Variants in CASC3 observed in about 807,000 individuals in gnomAD.
CASC3 encodes protein CASC3.
In CASC3, 30 loss-of-function variants were observed where a neutral mutation model predicts 80.5. The ratio of observed to expected loss-of-function variants is 0.37; its 90% CI spans 0.28 to 0.51. The LOEUF (loss-of-function observed/expected upper bound fraction) is 0.51, where lower values mean the gene tolerates loss of function less well. Ranked by LOEUF, CASC3 falls within the 20% of genes least tolerant of loss-of-function variation. The pLI, the probability that CASC3 is intolerant of heterozygous loss-of-function variation, is 0.94. For missense variants in CASC3, 824 were observed against 922.2 expected (o/e 0.89, Z 1.38); for synonymous variants, 312 against 333.6 (o/e 0.94, Z 0.70).
intron 5 of CASC3, 129 bp downstream of exon 5, chr17:40,162,282 A>G (rs1188123625): frequency 6.8e-6 from 7 of 1,025,828 alleles, no homozygotes; most frequent in South Asian, 1.7e-5. Context: ...TTATCGTACA[A>G]ATGAGGAAAG....
chr17:40,168,972 G>T (rs1989523538), intron 11 of CASC3: 2 of 216,334 alleles, frequency 9.2e-6, no homozygotes, highest in Non-Finnish European at 1.8e-5. Context: ...ATTGCATAAA[G>T]AAGCTGTATT....
At chr17:40,162,449 CT>C (rs148201280) in intron 5 of CASC3, among the ~76,000 whole-genome samples, 2,294 of 152,066 alleles carry the variant, frequency 0.015, 78 homozygotes, top group African/African-American at 0.052. Flanking sequence ...CATAGGTTGC[CT>C]TTTAGGAGAA....
chr17:40,167,108 C>T lies in CASC3; in HGVS notation c.1536+247C>T, dbSNP rs915847104. 250 of 522,870 alleles carry T rather than the reference C, an allele frequency of 4.8e-4. 1 individual carries two copies. The highest frequency in any genetic ancestry group is 2.7e-4 in the South Asian group (10 of 37,098). The allele number at this position is 522,870 out of a possible 1,614,324, so 32.4% of individuals were successfully genotyped here. A position where few individuals can be genotyped will look rare whatever the true frequency, so the allele number is the denominator to read the frequency against. Reference sequence around the variant, plus strand: ...TCCCGAGTAGCTGGCATTACAGGCACGTGCCATCATGCCCAGCTAATTTTT... The same window carrying T: ...TCCCGAGTAGCTGGCATTACAGGCATGTGCCATCATGCCCAGCTAATTTTT... On this transcript the variant is annotated intron_variant, in intron 8 of 13. Transcript: ENST00000264645.
intron 7 of CASC3, among the ~76,000 whole-genome samples, chr17:40,165,909 G>A (rs1034731909): frequency 1.3e-5 from 2 of 151,780 alleles, no homozygotes; most frequent in Non-Finnish European, 2.9e-5. Context: ...AAGATCATAA[G>A]CACACATCAT....
rs56186811 is a variant in CASC3, at chr17:40,169,742, CTTTTTTTTTTTTTT to C, written c.*41+98_*41+111del. The C allele has an allele frequency of 1.9e-3, 183 of 96,516 alleles. 1 individual carries two copies. The highest frequency in any genetic ancestry group is 4.3e-3 in the South Asian group (51 of 11,926). The allele number at this position is 96,516 out of a possible 1,614,324, so 6.0% of individuals were successfully genotyped here. A position where few individuals can be genotyped will look rare whatever the true frequency, so the allele number is the denominator to read the frequency against. The stretch of plus-strand genomic sequence containing the variant: ...ATAAACAAAAATCACTTAATTAATG[CTTTTTTTTTTTTTT>C]TTTTTTTTTTTTTTTTTGAGACGGC... On this transcript the variant is annotated intron_variant, in intron 13 of 13. Coordinates refer to ENST00000264645, the MANE Select transcript of CASC3 (RefSeq NM_007359.5).
At chr17:40,162,975 C>A in intron 6 of CASC3, 74 bp downstream of exon 6, 1 of 1,327,768 alleles carries the variant, frequency 7.5e-7, no homozygotes, top group Non-Finnish European at 1.1e-6. Flanking sequence ...AATCCCGGCA[C>A]TTTGGGAGGC....
chr17:40,165,246 A>G (rs1055309039), intron 7 of CASC3, among the ~76,000 whole-genome samples: 6 of 148,412 alleles, frequency 4.0e-5, no homozygotes, highest in African/African-American at 1.3e-4. Context: ...TGTATTTTTC[A>G]TAGAGATGGG....
intron 3 of CASC3, among the ~76,000 whole-genome samples, chr17:40,149,729 G>T (rs536464415): frequency 1.3e-5 from 2 of 152,072 alleles, no homozygotes; most frequent in Non-Finnish European, 2.9e-5. Flanking sequence ...GGAAAAGCTG[G>T]GTGCGGTGGC....
Position 40,168,408 on chromosome 17 carries a change from T to G in CASC3, c.1956T>G (p.Pro652=). 8 of 1,613,608 alleles carry G rather than the reference T, an allele frequency of 5.0e-6. No individual in the cohort carries two copies. The highest frequency in any genetic ancestry group is 6.8e-6 in the Non-Finnish European group (8 of 1,179,530). ...LPPPPPPHLY[P]NTQAPSQVYG... ...CCCCACCACCGCCTCATCTGTATCC[T>G]AATACACAGGTGAGATGGCTAATGA... Residue 652 remains proline, a synonymous_variant, in exon 11 of 14, where the codon CCT becomes CCG. Transcript: ENST00000264645.
chr17:40,150,442 GTGTA>G (rs763698972), intron 3 of CASC3, among the ~76,000 whole-genome samples: 1 of 147,472 alleles, frequency 6.8e-6, no homozygotes, highest in African/African-American at 2.5e-5. Flanking sequence ...GTGTGTGTGT[GTGTA>G]ACCCCCTTTG....
chr17:40,141,297 A>G (rs375934395), intron 2 of CASC3, 63 bp downstream of exon 2: 149 of 1,439,568 alleles, frequency 1.0e-4, no homozygotes, highest in Non-Finnish European at 1.4e-4. Flanking sequence ...CAGGTCATCT[A>G]TTTCCAACAT....
intron 8 of CASC3, 48 bp downstream of exon 8, chr17:40,166,909 C>A: frequency 3.8e-6 from 5 of 1,305,686 alleles, no homozygotes; most frequent in Non-Finnish European, 5.4e-6. Context: ...GCCTGTTACA[C>A]AGCTTGTTCA....
chr17:40,161,676 G>C lies in CASC3; in HGVS notation c.298-77G>C, dbSNP rs904337606. 2.4e-6 allele frequency: 3 copies of C among 1,273,796 alleles called. No individual in the cohort carries two copies. In the African/African-American group the frequency reaches 4.4e-5, roughly 19 times the overall value. The allele number at this position is 1,273,796 out of a possible 1,614,324, so 78.9% of individuals were successfully genotyped here. A position where few individuals can be genotyped will look rare whatever the true frequency, so the allele number is the denominator to read the frequency against. ...CCTGGGTGACAGAGACTTTGTTTTG[G>C]GGTTGGGGGCAGGGGTGGGAATTAA... On this transcript the variant is annotated intron_variant, in intron 3 of 13. Transcript: ENST00000264645.
chr17:40,150,967 C>A (rs891540762), intron 3 of CASC3, among the ~76,000 whole-genome samples: 1 of 151,734 alleles, frequency 6.6e-6, no homozygotes, highest in East Asian at 1.9e-4. Flanking sequence ...GAGCCGAGAT[C>A]ACGCCACTGC....
chr17:40,146,445 T>C (rs1004830514), intron 3 of CASC3, among the ~76,000 whole-genome samples: 1 of 151,364 alleles, frequency 6.6e-6, no homozygotes, highest in African/African-American at 2.4e-5. Context: ...TTTTTTTTTT[T>C]TTTTCTTTTT....
intron 4 of CASC3, 39 bp downstream of exon 4, chr17:40,161,950 A>G (rs773784065): frequency 6.2e-7 from 1 of 1,613,078 alleles, no homozygotes; most frequent in South Asian, 1.1e-5. Context: ...AGAGGCTGGA[A>G]TAGAGATTCT....
At position 40,162,025 on chromosome 17, in the gene CASC3, C is replaced by T. The variant is rs757303616; in HGVS notation, c.480C>T (p.Asn160=). 9.3e-6 allele frequency: 15 copies of T among 1,613,816 alleles called. No homozygotes were observed. The highest frequency in any genetic ancestry group is 1.7e-4 in the Middle Eastern group (1 of 6,058). ...DGQESTEPVE[N]KVGKKGPKHL... ...AGGAGAGCACAGAGCCTGTGGAGAA[C>T]AAAGTGGGTAAAAAGGGCCCTAAGC... The change falls in exon 5 of 14, where the codon AAC becomes AAT. Residue 160 remains asparagine, a synonymous_variant. Transcript: ENST00000264645.
chr17:40,147,101 C>T lies in CASC3; in HGVS notation c.297+5494C>T, dbSNP rs193198636. 1.7e-4 allele frequency among the ~76,000 whole-genome samples: 26 copies of T among 152,182 alleles called. No individual in the cohort carries two copies. The East Asian group carries it at 3.3e-3, about 19-fold the overall frequency. On this transcript the variant is annotated intron_variant, in intron 3 of 13. Coordinates refer to ENST00000264645, the MANE Select transcript of CASC3 (RefSeq NM_007359.5). ...TATGTAAGGGAGTTTGGATGTTTTC[C>T]TAATGGCTAGGAAAGAAGTACCACT...
intron 10 of CASC3, 82 bp from the exon 11 acceptor site, chr17:40,168,121 G>T (rs905192697): frequency 1.4e-5 from 19 of 1,386,684 alleles, no homozygotes; most frequent in Non-Finnish European, 1.9e-5. Flanking sequence ...TTCTGAGCCT[G>T]ATTATACTGA....
Sources: gnomAD v4.1 joint callset for allele counts (sites outside exome capture counted in the v4.1 genomes callset) on GRCh38, gnomAD v4.1.1 for gene constraint, MANE v1.5 for transcripts, NCBI Gene and HGNC (gene_info 2026-07-23, HGNC 2026-07-21) for gene names.